Variants in EHBP1 observed in about 807,000 individuals in gnomAD.
EHBP1 encodes the protein EH domain binding protein 1.
EHBP1 carries 55 observed loss-of-function variants against 144.0 expected under a neutral mutation model. The observed-to-expected ratio is 0.38, with a 90% confidence interval of 0.31 to 0.48. The LOEUF is 0.48. Among genes scored for constraint, EHBP1 ranks in the 20% least tolerant of loss-of-function variants. The pLI, the probability that EHBP1 is intolerant of heterozygous loss-of-function variation, is 0.98. For synonymous variants in EHBP1, 469 were observed against 472.7 expected, an observed-to-expected ratio of 0.99 and a Z score of 0.10; for missense variants, 1,200 against 1,364.2, an observed-to-expected ratio of 0.88 and a Z score of 1.90.
At chr2:62,892,400 A>T (rs1044341662) in intron 10 of EHBP1, among the ~76,000 whole-genome samples, 4 of 152,138 alleles carry the variant, frequency 2.6e-5, no homozygotes, top group African/African-American at 9.6e-5. Context: ...TTAATTGATT[A>T]GCATAAATAA....
intron 19 of EHBP1, among the ~76,000 whole-genome samples, chr2:62,998,672 T>A (rs1028671768): frequency 6.6e-6 from 1 of 152,168 alleles, no homozygotes; most frequent in Admixed American, 6.5e-5. Flanking sequence ...AGCTTTGAAA[T>A]GGCCCCATTC....
At chr2:62,833,880 T>G (rs546224223) in intron 7 of EHBP1, among the ~76,000 whole-genome samples, 1 of 152,310 alleles carries the variant, frequency 6.6e-6, no homozygotes, top group South Asian at 2.1e-4. Context: ...CCATTAAGAA[T>G]TTTGTGATTC....
At chr2:62,980,058 G>A (rs558961857) in intron 15 of EHBP1, among the ~76,000 whole-genome samples, 1 of 152,218 alleles carries the variant, frequency 6.6e-6, no homozygotes, top group Non-Finnish European at 1.5e-5. Flanking sequence ...CTTGCCCTGA[G>A]TTAATCTTAG....
intron 3 of EHBP1, among the ~76,000 whole-genome samples, chr2:62,750,375 T>A (rs2039568836): frequency 6.6e-6 from 1 of 152,236 alleles, no homozygotes; most frequent in South Asian, 2.1e-4. Context: ...CATGCTGTTT[T>A]GGTTACTGTA....
At chr2:62,766,744 G>A (rs1189400549) in intron 4 of EHBP1, among the ~76,000 whole-genome samples, 1 of 151,866 alleles carries the variant, frequency 6.6e-6, no homozygotes, top group Non-Finnish European at 1.5e-5. Flanking sequence ...AGTTTTTCTT[G>A]TTCATTCTTG....
At chr2:62,733,725 C>G (rs966826032) in intron 2 of EHBP1, among the ~76,000 whole-genome samples, 3 of 152,212 alleles carry the variant, frequency 2.0e-5, no homozygotes, top group African/African-American at 7.2e-5. Flanking sequence ...TTTATCCAGT[C>G]TGCACTGTGA....
chr2:62,903,778 G>A (rs960096614), intron 10 of EHBP1, among the ~76,000 whole-genome samples: 1 of 95,614 alleles, frequency 1.0e-5, no homozygotes, highest in African/African-American at 4.0e-5. Flanking sequence ...AGAAGGAGAA[G>A]GAGAAGGAGG....
chr2:62,927,809 T>A (rs2055650468), intron 10 of EHBP1, among the ~76,000 whole-genome samples: 1 of 152,176 alleles, frequency 6.6e-6, no homozygotes, highest in African/African-American at 2.4e-5. Context: ...ATGCACATTT[T>A]CCCAAATGCA....
intron 7 of EHBP1, among the ~76,000 whole-genome samples, chr2:62,853,802 G>C (rs1477776920): frequency 6.6e-6 from 1 of 152,170 alleles, no homozygotes; most frequent in African/African-American, 2.4e-5. Flanking sequence ...CACAGCTCTT[G>C]GGCGACCTGG....
chr2:62,730,815 GAAAAAGAAAGAGAGAA>G (rs2037471864), intron 2 of EHBP1, among the ~76,000 whole-genome samples: 1 of 122,388 alleles, frequency 8.2e-6, no homozygotes, highest in Non-Finnish European at 1.8e-5. Context: ...GAGACAGAGA[GAAAAAGAAAGAGAGAA>G]ACAGAGAGAC....
intron 15 of EHBP1, among the ~76,000 whole-genome samples, chr2:62,984,623 A>G (rs1378323305): frequency 2.0e-5 from 3 of 152,240 alleles, no homozygotes; most frequent in African/African-American, 7.2e-5. Flanking sequence ...AATATGTAAC[A>G]TTAACTGTTC....
chr2:62,763,108 CT>C lies in EHBP1; in HGVS notation c.163-1155del, dbSNP rs776232000. Among the ~76,000 whole-genome samples, 30 of 152,138 alleles carry C rather than the reference CT, an allele frequency of 2.0e-4. 1 individual carries two copies. In the Middle Eastern group the frequency reaches 0.017, roughly 86 times the overall value. On this transcript the variant is annotated intron_variant, in intron 3 of 22. Coordinates refer to ENST00000431489, the MANE Select transcript of EHBP1 (RefSeq NM_001142616.3). Reference sequence around the variant, plus strand: ...TTTCATGCATTTACATGTGTGATTCCTTTACCTTGTTTTGTTTTTGGCCTTC... The same window carrying C: ...TTTCATGCATTTACATGTGTGATTCCTTACCTTGTTTTGTTTTTGGCCTTC...
intron 5 of EHBP1, among the ~76,000 whole-genome samples, chr2:62,774,376 GAAA>G (rs796115825): frequency 5.2e-5 from 4 of 76,402 alleles, no homozygotes; most frequent in Admixed American, 1.4e-4. Context: ...GTCTCAAAAA[GAAA>G]AAAAAAAAAA....
intron 14 of EHBP1, among the ~76,000 whole-genome samples, chr2:62,964,778 A>G (rs943888891): frequency 2.6e-5 from 4 of 152,172 alleles, no homozygotes; most frequent in Non-Finnish European, 5.9e-5. Context: ...GCAGTGATTA[A>G]ATTGGTAATT....
At chr2:63,024,801 A>T (rs568504709) in intron 19 of EHBP1, among the ~76,000 whole-genome samples, 73 of 152,070 alleles carry the variant, frequency 4.8e-4, no homozygotes, top group Non-Finnish European at 7.8e-4. Context: ...GCTTGAGCCC[A>T]GCCTGGGCAA....
Position 62,860,775 on chromosome 2 carries a change from A to G in EHBP1, c.757+1484A>G, listed in dbSNP as rs552334592. Among the ~76,000 whole-genome samples, 13 of 152,266 alleles carry G rather than the reference A, an allele frequency of 8.5e-5. No homozygotes were observed. The East Asian group carries it at 1.2e-3, about 14-fold the overall frequency. On this transcript the variant is annotated intron_variant, in intron 8 of 22. Coordinates refer to ENST00000431489, the MANE Select transcript of EHBP1 (RefSeq NM_001142616.3). ...AAATCAAGTAAGTTTTCTAAATGTA[A>G]GTCTGTTATCAGAGGTATAAAAGAG...
In EHBP1 at chr2:63,037,541, A is replaced by C; in HGVS notation, c.3110A>C (p.Asn1037Thr). 3 of 1,604,826 alleles carry C rather than the reference A, an allele frequency of 1.9e-6. No homozygotes were observed. Among genetic ancestry groups the C allele is most frequent in the Non-Finnish European group, 2.6e-6 (3 of 1,174,794 alleles). Residue 1037 changes from asparagine to threonine, a missense_variant, in exon 20 of 23, where the codon AAC (asparagine) becomes ACC (threonine). Physicochemically the swap from Asn to Thr is moderately conservative, Grantham distance 65. This residue lies in a region of EHBP1 where 149 missense variants were observed against 217.0 expected (regional missense o/e 0.69). Transcript: ENST00000431489. ...AACTCTTCCCGAATTATAGGAAGGAACACAGAAGAAGAAGAAGCTATGATG... is the reference window on the plus strand; with the variant it reads ...AACTCTTCCCGAATTATAGGAAGGACCACAGAAGAAGAAGAAGCTATGATG... ...RLRYLMDTGR[N>T]TEEEEAMMQE...
intron 1 of EHBP1, among the ~76,000 whole-genome samples, chr2:62,681,310 A>G (rs1035284614): frequency 1.0e-5 from 1 of 98,598 alleles, no homozygotes; most frequent in Non-Finnish European, 2.0e-5. Context: ...CATCTCAAAT[A>G]TATATATATA....
intron 2 of EHBP1, among the ~76,000 whole-genome samples, chr2:62,714,661 ATTG>A: frequency 6.6e-6 from 1 of 152,198 alleles, no homozygotes; most frequent in Non-Finnish European, 1.5e-5. Flanking sequence ...AATTTTACCC[ATTG>A]TTGTTATTAT....
Sources: allele counts gnomAD v4.1 joint callset (sites outside exome capture counted in the v4.1 genomes callset), GRCh38; gene constraint gnomAD v4.1.1; regional missense constraint gnomAD v4.1.1; transcripts MANE v1.5; gene names NCBI Gene and HGNC (gene_info 2026-07-23, HGNC 2026-07-21).